The following GSE1 variants were observed in gnomAD, a reference collection of about 807,000 sequenced individuals.
GSE1 encodes genetic suppressor element 1.
Under a neutral mutation model 112.6 loss-of-function variants are expected in GSE1, and 32 were observed. The ratio of observed to expected loss-of-function variants is 0.28; its 90% confidence interval spans 0.21 to 0.38. The LOEUF (loss-of-function observed/expected upper bound fraction) is 0.38. Among genes scored for constraint, GSE1 ranks in the 10% least tolerant of loss-of-function variants. The pLI is 1.00. For missense variants in GSE1, 2,348 were observed against 1,699.2 expected (o/e 1.38, Z -6.71); for synonymous variants, 1,115 against 735.6 (o/e 1.52, Z -8.35).
At chr16:85,605,618 A>C (rs2151503431) in intron 1 of GSE1, among the ~76,000 whole-genome samples, 1 of 151,982 alleles carries the variant, frequency 6.6e-6, no homozygotes, top group East Asian at 1.9e-4. Context: ...AGATTTGCCC[A>C]GTCCGGCAGC....
chr16:85,298,761 C>T (rs754964479), intron 1 of GSE1, among the ~76,000 whole-genome samples: 1 of 152,226 alleles, frequency 6.6e-6, no homozygotes, highest in Admixed American at 6.5e-5. Context: ...AACAGATTCA[C>T]GCCCTTTGCA....
chr16:85,430,865 CG>C (rs2049103375), intron 2 of GSE1, among the ~76,000 whole-genome samples: 1 of 152,206 alleles, frequency 6.6e-6, no homozygotes, highest in Non-Finnish European at 1.5e-5. Flanking sequence ...GGCCCTGCCC[CG>C]GGGTCTCAGA....
chr16:85,411,076 A>G (rs2048525262), intron 2 of GSE1, among the ~76,000 whole-genome samples: 1 of 69,480 alleles, frequency 1.4e-5, no homozygotes, highest in Non-Finnish European at 2.8e-5. Context: ...CGTTGCACTC[A>G]GGGTCCCCCG....
intron 1 of GSE1, among the ~76,000 whole-genome samples, chr16:85,181,592 C>G (rs561788539): frequency 6.6e-6 from 1 of 152,252 alleles, no homozygotes; most frequent in African/African-American, 2.4e-5. Context: ...GGGCTGACCG[C>G]TGCTGCGGCG....
At chr16:85,363,929 A>G (rs1324413763) in intron 2 of GSE1, among the ~76,000 whole-genome samples, 1 of 152,210 alleles carries the variant, frequency 6.6e-6, no homozygotes, top group East Asian at 1.9e-4. Context: ...GCCGATCACC[A>G]TGGCAGGGGC....
intron 1 of GSE1, among the ~76,000 whole-genome samples, chr16:85,350,506 A>G (rs1288889001): frequency 6.6e-6 from 1 of 152,114 alleles, no homozygotes; most frequent in Non-Finnish European, 1.5e-5. Context: ...TGGAGCCGAA[A>G]CTGCCCAGCA....
At chr16:85,350,044 T>G (rs142864861) in intron 1 of GSE1, among the ~76,000 whole-genome samples, 104 of 152,298 alleles carry the variant, frequency 6.8e-4, no homozygotes, top group African/African-American at 2.3e-3. Context: ...TGGGTGACGT[T>G]GGGCAGCTGA....
At chr16:85,627,280 C>T (rs548127129) in intron 1 of GSE1, among the ~76,000 whole-genome samples, 14 of 151,502 alleles carry the variant, frequency 9.2e-5, no homozygotes, top group African/African-American at 2.2e-4. Context: ...CTGCTTCATT[C>T]TCCGTTTCCT....
At chr16:85,197,671 C>T (rs188778311) in intron 1 of GSE1, among the ~76,000 whole-genome samples, 194 of 152,308 alleles carry the variant, frequency 1.3e-3, no homozygotes, top group Non-Finnish European at 1.8e-3. Context: ...CAGCTCCCTC[C>T]GGGATCAAGG....
intron 2 of GSE1, among the ~76,000 whole-genome samples, chr16:85,438,679 T>C (rs1027576190): frequency 3.3e-5 from 5 of 152,192 alleles, no homozygotes; most frequent in Admixed American, 6.5e-5. Flanking sequence ...CTCTTGGGCC[T>C]CTGTTTTTTG....
chr16:85,562,363 C>G (rs540693747), intron 1 of GSE1, among the ~76,000 whole-genome samples: 3 of 152,192 alleles, frequency 2.0e-5, no homozygotes, highest in South Asian at 4.1e-4. Flanking sequence ...TTCCCACCCC[C>G]CCTGCCCAAT....
upstream of GSE1, among the ~76,000 whole-genome samples, chr16:85,553,244 G>C (rs1237534701): frequency 1.3e-5 from 2 of 149,458 alleles, no homozygotes; most frequent in African/African-American, 2.4e-5. Flanking sequence ...CGCGGGGTGG[G>C]GGCAGGGAGG....
chr16:85,460,350 A>G (rs1469083213), intron 2 of GSE1, among the ~76,000 whole-genome samples: 2 of 152,154 alleles, frequency 1.3e-5, no homozygotes. Context: ...GGTGCGGCCC[A>G]GCCTGGTATT....
chr16:85,618,618 C>G lies in GSE1; in HGVS notation c.7+5220C>G, dbSNP rs540959742. On this transcript the variant is annotated intron_variant, in intron 1 of 15. Coordinates refer to ENST00000253458, the MANE Select transcript of GSE1 (RefSeq NM_014615.5). ...CTTTATTACCAAGTGCCCAGTACAG[C>G]ACCTGACACAGGCTCTGCAAAGCCT... 1.2e-3 allele frequency among the ~76,000 whole-genome samples: 179 copies of G among 152,346 alleles called. 2 individuals are homozygous for G. The highest frequency in any genetic ancestry group is 3.9e-3 in the African/African-American group (164 of 41,584).
chr16:85,610,305 G>A (rs760606538), upstream of GSE1, among the ~76,000 whole-genome samples: 4 of 152,258 alleles, frequency 2.6e-5, no homozygotes, highest in Non-Finnish European at 5.9e-5. Context: ...GCAAATGGGA[G>A]TGGAGGGTGG....
intron 2 of GSE1, among the ~76,000 whole-genome samples, chr16:85,371,763 G>C (rs978142158): frequency 8.5e-5 from 13 of 152,216 alleles, no homozygotes; most frequent in African/African-American, 2.9e-4. Context: ...GTACTAGGTG[G>C]CCCTCTGAGG....
intron 2 of GSE1, among the ~76,000 whole-genome samples, chr16:85,388,459 G>A (rs2047755491): frequency 7.3e-6 from 1 of 137,634 alleles, no homozygotes. Context: ...TGAGTGGGTA[G>A]ATGGGTGAGT....
At chr16:85,517,194 G>T (rs998435341) in intron 2 of GSE1, among the ~76,000 whole-genome samples, 2 of 152,138 alleles carry the variant, frequency 1.3e-5, no homozygotes, top group East Asian at 3.9e-4. Flanking sequence ...GCAGCCTAGG[G>T]TTCGACAGCA....
chr16:85,363,364 C>A (rs2047122679), intron 2 of GSE1, among the ~76,000 whole-genome samples: 1 of 152,206 alleles, frequency 6.6e-6, no homozygotes, highest in Non-Finnish European at 1.5e-5. Flanking sequence ...TAGCTGTCTG[C>A]TTTGCCTCCA....
Sources: allele counts gnomAD v4.1 joint callset (sites outside exome capture counted in the v4.1 genomes callset), GRCh38; gene constraint gnomAD v4.1.1; transcripts MANE v1.5; gene names NCBI Gene and HGNC (gene_info 2026-07-23, HGNC 2026-07-21).